FRYL: variants seen among roughly 807,000 people sequenced by gnomAD.
FRYL encodes protein furry homolog-like.
A neutral mutation model predicts 351.2 loss-of-function variants in FRYL; 150 were observed. The observed-to-expected ratio is 0.43, with a 90% confidence interval of 0.37 to 0.49. The LOEUF (loss-of-function observed/expected upper bound fraction) is 0.49. FRYL is among the 20% of genes least tolerant of loss of function. The pLI, the probability that FRYL is intolerant of heterozygous loss-of-function variation, is 0.00. For synonymous variants in FRYL, 1,153 were observed against 1,257.1 expected, an observed-to-expected ratio of 0.92 and a Z score of 1.75; for missense variants, 3,036 against 3,619.3, an observed-to-expected ratio of 0.84 and a Z score of 4.13.
chr4:48,586,723 T>C lies in FRYL; in HGVS notation c.1646A>G (p.Glu549Gly). The C allele has an allele frequency of 6.3e-7, 1 of 1,598,038 alleles. No individual in the cohort carries two copies. The highest frequency in any genetic ancestry group is 8.6e-7 in the Non-Finnish European group (1 of 1,169,318). The stretch of plus-strand genomic sequence containing the variant: ...AAACAAATCAATCTTGGGTTTTCTT[T>C]CCCCCCTGAAAAATACAACAGGATT... ...NKEPEDMITG[E>G]RKPKIDLFRT... Residue 549 changes from glutamate (E) to glycine (G), a missense_variant, in exon 19 of 64, where the codon GAA becomes GGA. Physicochemically the swap from Glu to Gly is moderately conservative, Grantham distance 98 (BLOSUM62 -2). Transcript: ENST00000358350.
At chr4:48,600,598 G>T (rs1489369972) in intron 13 of FRYL, among the ~76,000 whole-genome samples, 1 of 152,122 alleles carries the variant, frequency 6.6e-6, no homozygotes, top group Non-Finnish European at 1.5e-5. Flanking sequence ...AATATGTTAG[G>T]TGAAACGTAT....
At chr4:48,776,705 A>C (rs1461250914) in intron 1 of FRYL, among the ~76,000 whole-genome samples, 1 of 152,214 alleles carries the variant, frequency 6.6e-6, no homozygotes, top group Non-Finnish European at 1.5e-5. Context: ...CAGATGGATG[A>C]TCCCTGTCAC....
At chr4:48,611,323 T>C (rs1748151206) in intron 7 of FRYL, among the ~76,000 whole-genome samples, 2 of 152,094 alleles carry the variant, frequency 1.3e-5, no homozygotes, top group South Asian at 2.1e-4. Context: ...TTTATTTATA[T>C]ATATTGTTTT....
intron 49 of FRYL, among the ~76,000 whole-genome samples, chr4:48,531,791 C>T (rs1221460128): frequency 6.6e-6 from 1 of 152,102 alleles, no homozygotes; most frequent in Non-Finnish European, 1.5e-5. Context: ...CCTTTTTAGA[C>T]ATAAAAATAT....
intron 4 of FRYL, among the ~76,000 whole-genome samples, chr4:48,632,055 C>CAAAAA (rs71660455): frequency 4.4e-5 from 1 of 22,602 alleles, no homozygotes; most frequent in African/African-American, 1.8e-4. Context: ...CCTGTCTCTC[C>CAAAAA]AAAAAAAAAA....
intron 1 of FRYL, among the ~76,000 whole-genome samples, chr4:48,778,788 C>A (rs1776299767): frequency 6.6e-6 from 1 of 152,184 alleles, no homozygotes; most frequent in Non-Finnish European, 1.5e-5. Flanking sequence ...CTAGGCAGCA[C>A]AGCATTTTAT....
intron 50 of FRYL, 47 bp from the exon 51 acceptor site, chr4:48,528,383 A>G (rs750441678): frequency 2.0e-6 from 3 of 1,510,876 alleles, no homozygotes; most frequent in Non-Finnish European, 2.7e-6. Context: ...ATTTCAACAT[A>G]AAAGAAACTT....
chr4:48,666,980 G>A (rs1263105171), intron 3 of FRYL, among the ~76,000 whole-genome samples: 1 of 152,150 alleles, frequency 6.6e-6, no homozygotes, highest in Non-Finnish European at 1.5e-5. Context: ...TTGTTTAACA[G>A]TTTAAATAAG....
Position 48,593,927 on chromosome 4 carries a change from T to A in FRYL, c.1335+3A>T. 1 of 1,294,300 alleles carries A rather than the reference T, an allele frequency of 7.7e-7. No individual in the cohort carries two copies. The highest frequency in any genetic ancestry group is 1.0e-6 in the Non-Finnish European group (1 of 968,124). 80.2% of individuals were successfully genotyped at this position (1,294,300 alleles called of 1,614,324 possible). On this transcript the variant is annotated splice_donor_region_variant and intron_variant, in intron 16 of 63. Coordinates refer to ENST00000358350, the MANE Select transcript of FRYL (RefSeq NM_015030.2). ...TTATATTATTACATTATAATTTTTT[T>A]ACCTCTGGATTAATGGTGAAAGTTT...
At chr4:48,580,984 T>G in intron 21 of FRYL, 33 bp from the exon 22 acceptor site, 1 of 1,439,772 alleles carries the variant, frequency 6.9e-7, no homozygotes, top group East Asian at 2.3e-5. Context: ...CTAAAAAAAT[T>G]AGGAATGTTT....
intron 3 of FRYL, among the ~76,000 whole-genome samples, chr4:48,655,995 TGTATATAATGTAAA>T (rs544763503): frequency 6.7e-4 from 92 of 138,280 alleles, no homozygotes; most frequent in African/African-American, 2.2e-3. Flanking sequence ...GTGCAATATA[TGTATATAATGTAAA>T]ATATATAATG....
chr4:48,652,470 T>G (rs879385111), intron 3 of FRYL, among the ~76,000 whole-genome samples: 3 of 152,218 alleles, frequency 2.0e-5, no homozygotes, highest in Non-Finnish European at 4.4e-5. Context: ...AGTCAGTAAT[T>G]ACAATTCTCC....
intron 1 of FRYL, among the ~76,000 whole-genome samples, chr4:48,767,001 A>T (rs1394643619): frequency 2.0e-5 from 3 of 147,684 alleles, no homozygotes; most frequent in African/African-American, 4.9e-5. Context: ...ATTATATATT[A>T]TATATTTTAT....
At chr4:48,577,855 G>C (rs577967840) in intron 23 of FRYL, among the ~76,000 whole-genome samples, 110 of 151,182 alleles carry the variant, frequency 7.3e-4, no homozygotes, top group Middle Eastern at 3.4e-3. Context: ...CAGCCTAAGT[G>C]ACAGAGTGAG....
chr4:48,731,590 AG>A (rs1297986689), intron 1 of FRYL, among the ~76,000 whole-genome samples: 1 of 152,204 alleles, frequency 6.6e-6, no homozygotes. Flanking sequence ...ACAGAGATAT[AG>A]ACCAATGGAA....
intron 5 of FRYL, among the ~76,000 whole-genome samples, chr4:48,621,928 G>A (rs1400650017): frequency 6.6e-6 from 1 of 151,934 alleles, no homozygotes. Flanking sequence ...TATAAACAAG[G>A]TTCTAATTTT....
intron 1 of FRYL, among the ~76,000 whole-genome samples, chr4:48,734,894 CAG>C (rs1771145192): frequency 1.3e-5 from 2 of 152,098 alleles, no homozygotes; most frequent in African/African-American, 4.8e-5. Context: ...CATTACCATT[CAG>C]GACATAGGCG....
At chr4:48,506,789 T>C (rs897960491) in intron 59 of FRYL, among the ~76,000 whole-genome samples, 1 of 151,818 alleles carries the variant, frequency 6.6e-6, no homozygotes, top group Non-Finnish European at 1.5e-5. Context: ...AAAGAAAGAA[T>C]TGAAATTTGA....
chr4:48,771,298 T>C (rs182383619), intron 1 of FRYL, among the ~76,000 whole-genome samples: 3 of 152,318 alleles, frequency 2.0e-5, no homozygotes, highest in Admixed American at 2.0e-4. Flanking sequence ...TAATTTTACC[T>C]CAAAGAAAAC....
Sources: allele counts gnomAD v4.1 joint callset (sites outside exome capture counted in the v4.1 genomes callset), GRCh38; gene constraint gnomAD v4.1.1; transcripts MANE v1.5; gene names NCBI Gene and HGNC (gene_info 2026-07-23, HGNC 2026-07-21).